Variants in RABGAP1L observed in about 807,000 individuals in gnomAD.
RABGAP1L encodes rab GTPase-activating protein 1-like.
Under a neutral mutation model 137.7 loss-of-function variants are expected in RABGAP1L, and 63 were observed. The observed-to-expected ratio is 0.46, with a 90% CI of 0.37 to 0.56. The LOEUF is 0.56. RABGAP1L is among the 20% of genes least tolerant of loss of function. The probability of loss-of-function intolerance (pLI) is 0.00; values close to 1 mark genes in which losing one functional copy is unlikely to be tolerated. For synonymous variants in RABGAP1L, 431 were observed against 433.7 expected (o/e 0.99, Z 0.08); for missense variants, 1,095 against 1,244.0 (o/e 0.88, Z 1.80).
At chr1:174,534,155 T>C (rs1011022094) in intron 13 of RABGAP1L, among the ~76,000 whole-genome samples, 4 of 151,162 alleles carry the variant, frequency 2.6e-5, no homozygotes, top group Non-Finnish European at 4.4e-5. Context: ...TGTGTGTGTG[T>C]GTGTGTGTGT....
At chr1:174,886,204 G>A (rs1382178702) in intron 19 of RABGAP1L, among the ~76,000 whole-genome samples, 1 of 151,802 alleles carries the variant, frequency 6.6e-6, no homozygotes, top group Non-Finnish European at 1.5e-5. Context: ...TAGAGAGAGG[G>A]TTTCTCCCTG....
intron 1 of RABGAP1L, among the ~76,000 whole-genome samples, chr1:174,162,567 C>G (rs1664557911): frequency 6.6e-6 from 1 of 151,998 alleles, no homozygotes; most frequent in South Asian, 2.1e-4. Context: ...ATCATTATGA[C>G]TGGTTAGAGG....
chr1:174,274,872 A>C (rs1434598922), intron 8 of RABGAP1L, among the ~76,000 whole-genome samples: 1 of 152,180 alleles, frequency 6.6e-6, no homozygotes, highest in African/African-American at 2.4e-5. Context: ...ATGGGTAATA[A>C]TGAAAAAAGA....
intron 14 of RABGAP1L, among the ~76,000 whole-genome samples, chr1:174,674,365 A>G (rs1677428272): frequency 6.7e-6 from 1 of 149,404 alleles, no homozygotes; most frequent in East Asian, 2.0e-4. Context: ...GCGATAGTTT[A>G]CTGAGAATGA....
At chr1:174,544,467 C>T (rs1333699712) in intron 13 of RABGAP1L, among the ~76,000 whole-genome samples, 2 of 152,140 alleles carry the variant, frequency 1.3e-5, no homozygotes, top group African/African-American at 4.8e-5. Context: ...AAGGTCTTGT[C>T]TATGCTCTTT....
At chr1:174,676,067 G>C (rs763980207) in intron 14 of RABGAP1L, among the ~76,000 whole-genome samples, 15 of 152,088 alleles carry the variant, frequency 9.9e-5, no homozygotes, top group Non-Finnish European at 2.1e-4. Context: ...ATCTGTAATG[G>C]ATGGCCTGGG....
intron 19 of RABGAP1L, among the ~76,000 whole-genome samples, chr1:174,860,688 A>T (rs1650120413): frequency 6.6e-6 from 1 of 152,066 alleles, no homozygotes; most frequent in South Asian, 2.1e-4. Context: ...TTCTTTACTT[A>T]TTGAATTGAT....
intron 18 of RABGAP1L, among the ~76,000 whole-genome samples, chr1:174,758,101 T>C (rs1280330061): frequency 6.6e-6 from 1 of 152,214 alleles, no homozygotes; most frequent in Non-Finnish European, 1.5e-5. Context: ...GGTTTTTCCT[T>C]ACCATTCCAT....
intron 20 of RABGAP1L, chr1:174,964,921 C>CT (rs746792237): frequency 1.3e-4 from 196 of 1,466,230 alleles, no homozygotes; most frequent in East Asian, 5.1e-4. Context: ...ATTGGATATT[C>CT]TTTTTTTTTA....
At chr1:174,242,820 T>C (rs1262714868) in intron 5 of RABGAP1L, among the ~76,000 whole-genome samples, 1 of 152,236 alleles carries the variant, frequency 6.6e-6, no homozygotes, top group African/African-American at 2.4e-5. Flanking sequence ...GTATACTGAC[T>C]TCTTGTTCAA....
At chr1:174,490,860 C>T (rs1348549159) in intron 13 of RABGAP1L, among the ~76,000 whole-genome samples, 3 of 152,048 alleles carry the variant, frequency 2.0e-5, no homozygotes, top group Non-Finnish European at 4.4e-5. Flanking sequence ...CAACACAGGC[C>T]CATGGGGAGT....
chr1:174,959,518 A>G lies in RABGAP1L; in HGVS notation c.2433+1969A>G, dbSNP rs534319502. Reference sequence around the variant, plus strand: ...GATGTACATTATTTTTAAAGTACTTATAACATGTAAGATTATCAATATGTA... The same window carrying G: ...GATGTACATTATTTTTAAAGTACTTGTAACATGTAAGATTATCAATATGTA... On this transcript the variant is annotated intron_variant, in intron 20 of 25. Transcript: ENST00000681986. 1.9e-4 allele frequency among the ~76,000 whole-genome samples: 29 copies of G among 152,334 alleles called. No individual in the cohort carries two copies. In the Middle Eastern group the frequency reaches 0.017, roughly 89 times the overall value.
At chr1:174,908,118 A>G (rs866033284) in intron 19 of RABGAP1L, among the ~76,000 whole-genome samples, 6 of 152,362 alleles carry the variant, frequency 3.9e-5, no homozygotes, top group Middle Eastern at 3.4e-3. Flanking sequence ...TAACAATTGT[A>G]TATTTTTGCA....
At chr1:174,852,435 T>C (rs1013652446) in intron 19 of RABGAP1L, among the ~76,000 whole-genome samples, 3 of 152,212 alleles carry the variant, frequency 2.0e-5, no homozygotes, top group Admixed American at 6.5e-5. Flanking sequence ...CTTAGATGAC[T>C]TCAGGGACTT....
At chr1:174,700,322 G>A (rs1679551280) in intron 16 of RABGAP1L, 2 of 152,148 alleles carry the variant, frequency 1.3e-5, no homozygotes, top group Admixed American at 6.5e-5. Context: ...TTTATAATGG[G>A]TTTTTGTGGC....
chr1:174,473,864 C>T (rs1441889285), intron 13 of RABGAP1L, among the ~76,000 whole-genome samples: 1 of 152,140 alleles, frequency 6.6e-6, no homozygotes, highest in African/African-American at 2.4e-5. Context: ...CCTCTAACTC[C>T]GTTGTAGTAG....
At chr1:174,809,843 A>G (rs112335532) in intron 18 of RABGAP1L, among the ~76,000 whole-genome samples, 114 of 152,316 alleles carry the variant, frequency 7.5e-4, no homozygotes, top group Middle Eastern at 3.4e-3. Context: ...TCAGCCGTTG[A>G]TATTTTAGTT....
intron 19 of RABGAP1L, among the ~76,000 whole-genome samples, chr1:174,865,968 A>G (rs1477486340): frequency 6.6e-6 from 1 of 152,212 alleles, no homozygotes; most frequent in African/African-American, 2.4e-5. Context: ...TAGGATAACT[A>G]GAGTGAAGTT....
intron 13 of RABGAP1L, among the ~76,000 whole-genome samples, chr1:174,635,007 C>T (rs1673835419): frequency 6.8e-6 from 1 of 148,072 alleles, no homozygotes; most frequent in African/African-American, 2.5e-5. Context: ...ACAATGTGCA[C>T]ATGTACCCTA....
Sources: allele counts gnomAD v4.1 joint callset (sites outside exome capture counted in the v4.1 genomes callset), GRCh38; gene constraint gnomAD v4.1.1; transcripts MANE v1.5; gene names NCBI Gene and HGNC (gene_info 2026-07-23, HGNC 2026-07-21).